TNIP3: variants seen among roughly 807,000 people sequenced by gnomAD.
The protein encoded by TNIP3 is TNFAIP3-interacting protein 3.
Under a neutral mutation model 54.1 loss-of-function variants are expected in TNIP3, and 34 were observed. The observed-to-expected ratio is 0.63, with a 90% CI of 0.48 to 0.84. The LOEUF is 0.84. TNIP3 is among the 40% of genes least tolerant of loss of function. The pLI is 0.00. For missense variants in TNIP3, 366 were observed against 387.6 expected, an observed-to-expected ratio of 0.94 and a Z score of 0.47; for synonymous variants, 134 against 136.8, an observed-to-expected ratio of 0.98 and a Z score of 0.14.
chr4:121,140,711 GA>G (rs1279729762), intron 9 of TNIP3, among the ~76,000 whole-genome samples: 1 of 150,636 alleles, frequency 6.6e-6, no homozygotes, highest in African/African-American at 2.4e-5. Flanking sequence ...CTACATTCTT[GA>G]AAAAAAAATT....
intron 10 of TNIP3, among the ~76,000 whole-genome samples, chr4:121,135,808 C>G (rs1257740312): frequency 6.6e-6 from 1 of 152,182 alleles, no homozygotes; most frequent in Non-Finnish European, 1.5e-5. Flanking sequence ...AAATGAACCC[C>G]AAACCAGCAA....
At chr4:121,137,909 C>T (rs533129553) in intron 10 of TNIP3, 1 of 455,640 alleles carries the variant, frequency 2.2e-6, no homozygotes, top group South Asian at 1.6e-5. Context: ...ATTATGTATA[C>T]TTGATGAGAA....
chr4:121,213,135 C>T (rs1726569573), intron 2 of TNIP3, among the ~76,000 whole-genome samples: 1 of 152,102 alleles, frequency 6.6e-6, no homozygotes, highest in African/African-American at 2.4e-5. Flanking sequence ...ACATAAAGGA[C>T]GTTTGAATGA....
intron 2 of TNIP3, among the ~76,000 whole-genome samples, chr4:121,193,225 A>G (rs7684464): frequency 0.043 from 6,582 of 152,208 alleles, 472 homozygotes; most frequent in African/African-American, 0.15. Context: ...ATGTAAGCTC[A>G]TTTTTATAAA....
Position 121,154,683 on chromosome 4 carries a change from A to C in TNIP3, c.364-4T>G. On this transcript the variant is annotated splice_polypyrimidine_tract_variant and splice_region_variant and intron_variant, in intron 4 of 10. Transcript: ENST00000057513. ...CATTTAGGCGTTCCTTTTCCTTCTG[A>C]AGTTAAGACCAAGAAAAGAAAATAA... is the stretch of plus-strand genomic sequence containing the variant. 1 of 1,599,146 alleles carries C rather than the reference A, an allele frequency of 6.3e-7. No individual in the cohort carries two copies.
intron 2 of TNIP3, among the ~76,000 whole-genome samples, chr4:121,160,816 C>T (rs1730402532): frequency 6.6e-6 from 1 of 152,074 alleles, no homozygotes; most frequent in African/African-American, 2.4e-5. Flanking sequence ...TCATAAGGCA[C>T]AAACGATAAA....
At chr4:121,169,243 G>A (rs768188862), upstream of TNIP3, among the ~76,000 whole-genome samples, 2 of 152,152 alleles carry the variant, frequency 1.3e-5, no homozygotes, top group East Asian at 1.9e-4. Context: ...TCCATTCTGC[G>A]CCATGCCCTG....
intron 2 of TNIP3, among the ~76,000 whole-genome samples, chr4:121,209,119 G>T (rs1314141330): frequency 6.6e-6 from 1 of 152,234 alleles, no homozygotes; most frequent in East Asian, 1.9e-4. Flanking sequence ...TTGATGTGCT[G>T]GGAAGATGGC....
chr4:121,192,033 T>G (rs1237554527), intron 2 of TNIP3, among the ~76,000 whole-genome samples: 1 of 152,220 alleles, frequency 6.6e-6, no homozygotes, highest in Non-Finnish European at 1.5e-5. Flanking sequence ...CCTTTTTGTT[T>G]AATCATTAAA....
Position 121,208,843 on chromosome 4 carries a change from T to C in TNIP3, c.68+7572A>G, listed in dbSNP as rs78329763. Among the ~76,000 whole-genome samples, 191 of 152,318 alleles carry C rather than the reference T, an allele frequency of 1.3e-3. 1 individual carries two copies. In the East Asian group the frequency reaches 0.03, roughly 24 times the overall value. On this transcript the variant is annotated intron_variant, in intron 2 of 12. Transcript: ENST00000507879. The stretch of plus-strand genomic sequence containing the variant: ...AGTCCTCTGGACTACACCTAAGTTA[T>C]GCTAATGAAGTCTGTCAGGGTGGAA...
intron 2 of TNIP3, among the ~76,000 whole-genome samples, chr4:121,206,835 G>C (rs150970817): frequency 6.6e-6 from 1 of 152,128 alleles, no homozygotes; most frequent in Non-Finnish European, 1.5e-5. Context: ...CTCCCAAAGT[G>C]CTAGGATTAC....
Position 121,154,696 on chromosome 4 carries a change from GA to G in TNIP3, c.364-18del. ...CTTTTCCTTCTGAAGTTAAGACCAAGAAAAGAAAATAAAAGTCAGTACAAGT... is the reference window on the plus strand; with the variant it reads ...CTTTTCCTTCTGAAGTTAAGACCAAGAAAGAAAATAAAAGTCAGTACAAGT... On this transcript the variant is annotated intron_variant, in intron 4 of 10. Coordinates refer to ENST00000057513, the MANE Select transcript of TNIP3 (RefSeq NM_024873.6). 2 of 1,587,712 alleles carry G rather than the reference GA, an allele frequency of 1.3e-6. No individual in the cohort carries two copies. Among genetic ancestry groups the G allele is most frequent in the South Asian group, 2.3e-5 (2 of 87,508 alleles).
At chr4:121,216,466 T>C in exon 2 of TNIP3, 1 of 1,535,860 alleles carries the variant, frequency 6.5e-7, no homozygotes, top group South Asian at 1.2e-5. Context: ...ATCGTCGTGT[T>C]TCTCATTTTT....
At chr4:121,208,243 A>G (rs1161483673) in intron 2 of TNIP3, among the ~76,000 whole-genome samples, 6 of 152,172 alleles carry the variant, frequency 3.9e-5, no homozygotes, top group African/African-American at 1.2e-4. Flanking sequence ...ATTAGAAATT[A>G]TGGTTTAGGA....
At chr4:121,224,154 G>A (rs1727158856) in intron 1 of TNIP3, among the ~76,000 whole-genome samples, 3 of 152,194 alleles carry the variant, frequency 2.0e-5, no homozygotes, top group African/African-American at 7.2e-5. Context: ...CCTGAGGTCA[G>A]GAGTTTGAGA....
chr4:121,159,493 C>G (rs924384929), intron 2 of TNIP3, among the ~76,000 whole-genome samples: 1 of 152,168 alleles, frequency 6.6e-6, no homozygotes, highest in African/African-American at 2.4e-5. Flanking sequence ...TGTGCTTACA[C>G]TGATTATAAT....
chr4:121,158,662 A>G, intron 3 of TNIP3, 25 bp downstream of exon 3: 1 of 1,583,578 alleles, frequency 6.3e-7, no homozygotes, highest in Non-Finnish European at 8.7e-7. Context: ...TTTAAAGAAA[A>G]TACCGAATAG....
chr4:121,222,808 T>TG (rs1560702559), intron 1 of TNIP3, among the ~76,000 whole-genome samples: 2 of 139,590 alleles, frequency 1.4e-5, no homozygotes, highest in African/African-American at 2.8e-5. Flanking sequence ...TTGTGCGTTT[T>TG]TTTTTTTTTT....
rs562033904 is a variant in TNIP3 at position 121,200,245 on chromosome 4, G to C, written c.68+16170C>G. On this transcript the variant is annotated intron_variant, in intron 2 of 12. Transcript: ENST00000507879. ...GAGAATGCTGAACAATGGGTTCACC[G>C]AGACAACTGCAGAAGAGTTTCGACA... Among the ~76,000 whole-genome samples the C allele has an allele frequency of 1.3e-4, 19 of 151,990 alleles. No individual in the cohort carries two copies. In the South Asian group the frequency reaches 4.0e-3, roughly 32 times the overall value.
Sources: gnomAD v4.1 joint callset for allele counts (sites outside exome capture counted in the v4.1 genomes callset) on GRCh38, gnomAD v4.1.1 for gene constraint, MANE v1.5 for transcripts, NCBI Gene and HGNC (gene_info 2026-07-23, HGNC 2026-07-21) for gene names.